Variants in PPP4R1 observed in about 807,000 individuals in gnomAD.
PPP4R1 encodes the protein serine/threonine-protein phosphatase 4 regulatory subunit 1.
PPP4R1 carries 42 observed loss-of-function variants against 111.2 expected under a neutral mutation model. The observed-to-expected ratio is 0.38, with a 90% CI of 0.29 to 0.49. The LOEUF is 0.49. PPP4R1 is among the 20% of genes least tolerant of loss of function. The probability of loss-of-function intolerance (pLI) is 0.97; values close to 1 mark genes in which losing one functional copy is unlikely to be tolerated. For synonymous variants in PPP4R1, 409 were observed against 405.5 expected (o/e 1.01, Z -0.10); for missense variants, 1,012 against 1,161.6 (o/e 0.87, Z 1.87).
At chr18:9,562,800 T>C (rs2066700240) in intron 12 of PPP4R1, 5 of 904,130 alleles carry the variant, frequency 5.5e-6, no homozygotes, top group Non-Finnish European at 5.3e-6. Flanking sequence ...GTATAAACAA[T>C]GGCTAAGCAG....
At chr18:9,601,559 C>A (rs2067383175) in intron 2 of PPP4R1, among the ~76,000 whole-genome samples, 2 of 152,080 alleles carry the variant, frequency 1.3e-5, no homozygotes, top group Non-Finnish European at 2.9e-5. Context: ...AAAAAGTGAT[C>A]TCAGCTCACT....
intron 9 of PPP4R1, among the ~76,000 whole-genome samples, chr18:9,578,331 G>A (rs1401607128): frequency 1.3e-5 from 2 of 152,192 alleles, no homozygotes; most frequent in Admixed American, 1.3e-4. Flanking sequence ...AAAATCCTTG[G>A]CTTAAGTGAT....
At chr18:9,565,790 G>T (rs1265927369) in intron 11 of PPP4R1, among the ~76,000 whole-genome samples, 2 of 152,230 alleles carry the variant, frequency 1.3e-5, no homozygotes, top group Non-Finnish European at 2.9e-5. Flanking sequence ...TTAAGGAATG[G>T]AGCCATCTCC....
chr18:9,557,588 CTTCCT>C (rs927939917), intron 14 of PPP4R1, among the ~76,000 whole-genome samples: 9 of 152,328 alleles, frequency 5.9e-5, no homozygotes, highest in African/African-American at 1.4e-4. Context: ...TACGTATTAT[CTTCCT>C]TTCATTTATG....
chr18:9,586,284 A>AT (rs1168898050), intron 6 of PPP4R1, among the ~76,000 whole-genome samples: 1 of 152,052 alleles, frequency 6.6e-6, no homozygotes, highest in African/African-American at 2.4e-5. Context: ...TAGTTTTTAA[A>AT]TTTTTTATTG....
intron 11 of PPP4R1, among the ~76,000 whole-genome samples, chr18:9,567,423 G>C (rs2066786728): frequency 6.6e-6 from 1 of 152,076 alleles, no homozygotes; most frequent in African/African-American, 2.4e-5. Flanking sequence ...GTTATATGTA[G>C]GCACAATCAT....
In PPP4R1 at chr18:9,562,004, A is replaced by G; in HGVS notation, c.1818T>C (p.Asp606=). Reference sequence around the variant, plus strand: ...CTTGTACTTTAGTTCTCCTTTCCTCATCAGGGCTAAAACTGCTATTGTTGC... The same window carrying G: ...CTTGTACTTTAGTTCTCCTTTCCTCGTCAGGGCTAAAACTGCTATTGTTGC... ...DLSNNSSFSP[D]EERRTKVQDV... Residue 606 remains aspartate (D), a synonymous_variant, in exon 13 of 20, where the codon GAT becomes GAC. Transcript: ENST00000400556. 1 of 1,612,412 alleles carries G rather than the reference A, an allele frequency of 6.2e-7. No homozygotes were observed. The highest frequency in any genetic ancestry group is 8.5e-7 in the Non-Finnish European group (1 of 1,178,548).
chr18:9,600,404 C>T (rs560066426), intron 2 of PPP4R1, among the ~76,000 whole-genome samples: 12 of 151,732 alleles, frequency 7.9e-5, no homozygotes, highest in Non-Finnish European at 1.5e-4. Flanking sequence ...CTAAATGCAA[C>T]TAGATCAATA....
At chr18:9,555,138 AC>A (rs1017898200) in intron 15 of PPP4R1, among the ~76,000 whole-genome samples, 38 of 152,194 alleles carry the variant, frequency 2.5e-4, no homozygotes, top group Admixed American at 4.6e-4. Context: ...CCCTATCCCT[AC>A]AAAAAATACA....
At chr18:9,548,532 ACATAGGTAGGTACCAGCCCC>A (rs1413601331) in intron 19 of PPP4R1, among the ~76,000 whole-genome samples, 25 of 152,192 alleles carry the variant, frequency 1.6e-4, no homozygotes, top group African/African-American at 6.0e-4. Context: ...GGGAGAGCAA[ACATAGGTAGGTACCAGCCCC>A]CATACTGCAG....
intron 2 of PPP4R1, among the ~76,000 whole-genome samples, chr18:9,597,458 TTAGGTGAGTA>T (rs2067308088): frequency 6.6e-6 from 1 of 152,136 alleles, no homozygotes; most frequent in South Asian, 2.1e-4. Context: ...CTTTGAGTCT[TTAGGTGAGTA>T]TTGAAACAGT....
At chr18:9,555,571 C>A (rs1196273754) in intron 15 of PPP4R1, among the ~76,000 whole-genome samples, 1 of 152,096 alleles carries the variant, frequency 6.6e-6, no homozygotes, top group East Asian at 1.9e-4. Context: ...AGAGCCAACA[C>A]CACATTAGCC....
At chr18:9,549,170 G>C in intron 19 of PPP4R1, 27 bp downstream of exon 19, 1 of 1,600,408 alleles carries the variant, frequency 6.2e-7, no homozygotes, top group East Asian at 2.2e-5. Context: ...CTACTCACAC[G>C]CTTCTTCTAG....
rs887680362 is a variant in PPP4R1, at chr18:9,588,750, T to C, written c.399A>G (p.Leu133=). 3 of 1,613,316 alleles carry C rather than the reference T, an allele frequency of 1.9e-6. No homozygotes were observed. Among genetic ancestry groups the C allele is most frequent in the African/African-American group, 1.3e-5 (1 of 75,018 alleles). ...CTGCAAGGTATCTAACCACAATAGG[T>C]AGTAAGAATTTTGAAAAAGCATATG... ...SIPYAFSKFL[L]PIVVRYLADQ... The change falls in exon 5 of 20, where the codon CTA becomes CTG. Residue 133 remains leucine, a synonymous_variant. Transcript: ENST00000400556.
chr18:9,577,298 T>C (rs1028457754), intron 9 of PPP4R1, 107 bp from the exon 10 acceptor site: 25 of 1,233,456 alleles, frequency 2.0e-5, no homozygotes, highest in South Asian at 1.3e-4. Context: ...GAAGTATGTT[T>C]AGGATAATAA....
intron 10 of PPP4R1, among the ~76,000 whole-genome samples, chr18:9,575,384 T>G (rs146507227): frequency 1.3e-3 from 205 of 152,344 alleles, no homozygotes; most frequent in African/African-American, 4.8e-3. Context: ...GCAAACAAAC[T>G]AATGGTTCTG....
In PPP4R1 at chr18:9,614,134, C is replaced by T; in HGVS notation, c.52+92G>A. The T allele has an allele frequency of 8.9e-7, 1 of 1,118,640 alleles. No individual in the cohort carries two copies. The allele number at this position is 1,118,640 out of a possible 1,614,324, so 69.3% of individuals were successfully genotyped here. ...CCGCCCTCGCCCACCGTCCCCTCAG[C>T]CAGCCAGGGCCCGGCCCAGGCCTCG... is the stretch of plus-strand genomic sequence containing the variant. On this transcript the variant is annotated intron_variant, in intron 2 of 19. Transcript: ENST00000400556. This position sits in a 1 kb window ranked among gnomAD's most constrained non-coding sequence, Gnocchi z 4.1.
rs374695098 is a variant in PPP4R1, at chr18:9,577,229, T to C, written c.919-38A>G. The stretch of plus-strand genomic sequence containing the variant: ...AAAGGACAATAATAAAGGAATCATT[T>C]TGAAAAAGAATTATATACGCACACA... On this transcript the variant is annotated intron_variant, in intron 9 of 19. Coordinates refer to ENST00000400556, the MANE Select transcript of PPP4R1 (RefSeq NM_001042388.3). The C allele has an allele frequency of 5.0e-5, 79 of 1,568,204 alleles. 1 individual carries two copies. Among genetic ancestry groups the C allele is most frequent in the Non-Finnish European group, 5.5e-5 (63 of 1,154,670 alleles).
intron 15 of PPP4R1, chr18:9,556,958 A>AT (rs1487912598): frequency 8.3e-5 from 23 of 275,842 alleles, no homozygotes; most frequent in African/African-American, 1.4e-4. Context: ...GCAGCTAATG[A>AT]TTTTTTTTAA....
Sources: allele counts gnomAD v4.1 joint callset (sites outside exome capture counted in the v4.1 genomes callset), GRCh38; gene constraint gnomAD v4.1.1; non-coding constraint Gnocchi (gnomAD v3.1); transcripts MANE v1.5; gene names NCBI Gene and HGNC (gene_info 2026-07-23, HGNC 2026-07-21).